Variants in TPRG1 observed in about 807,000 individuals in gnomAD.
TPRG1 encodes the protein tumor protein p63-regulated gene 1 protein.
Under a neutral mutation model 29.3 loss-of-function variants are expected in TPRG1, and 29 were observed. The observed-to-expected ratio is 0.99, with a 90% CI of 0.74 to 1.35. The LOEUF (loss-of-function observed/expected upper bound fraction) is 1.35. TPRG1 is among the 40% of genes most tolerant of loss of function. The pLI, the probability that TPRG1 is intolerant of heterozygous loss-of-function variation, is 0.00. For synonymous variants in TPRG1, 130 were observed against 116.8 expected (o/e 1.11, Z -0.73); for missense variants, 327 against 335.0 (o/e 0.98, Z 0.19).
chr3:189,240,861 T>C (rs1740460570), intron 4 of TPRG1, among the ~76,000 whole-genome samples: 1 of 152,190 alleles, frequency 6.6e-6, no homozygotes. Flanking sequence ...TGAAAGCACA[T>C]GTCATAAACT....
At chr3:189,216,219 T>A (rs918218337) in intron 3 of TPRG1, among the ~76,000 whole-genome samples, 1 of 152,226 alleles carries the variant, frequency 6.6e-6, no homozygotes, top group African/African-American at 2.4e-5. Context: ...TTCTGTTTTC[T>A]GGCCTGGTAA....
chr3:189,216,540 TA>T (rs1736090593), intron 3 of TPRG1, among the ~76,000 whole-genome samples: 1 of 152,228 alleles, frequency 6.6e-6, no homozygotes, highest in Admixed American at 6.5e-5. Flanking sequence ...AAAATGGAGA[TA>T]ATAGTATGTA....
At position 189,217,668 on chromosome 3, in the gene TPRG1, G is replaced by A. The variant is rs188071073; in HGVS notation, c.302+2285G>A. ...TGTTAAAAACCTCATCGTGGGTTCCGAGATGCATTATGCAATGGAAAGCGC... is the reference window on the plus strand; with the variant it reads ...TGTTAAAAACCTCATCGTGGGTTCCAAGATGCATTATGCAATGGAAAGCGC... On this transcript the variant is annotated intron_variant, in intron 3 of 5. Coordinates refer to ENST00000345063, the MANE Select transcript of TPRG1 (RefSeq NM_198485.4). 3.9e-5 allele frequency among the ~76,000 whole-genome samples: 6 copies of A among 152,228 alleles called. No homozygotes were observed. In the East Asian group the frequency reaches 5.8e-4, roughly 15 times the overall value.
At chr3:189,188,454 C>T (rs1216341523) in intron 1 of TPRG1, among the ~76,000 whole-genome samples, 1 of 152,206 alleles carries the variant, frequency 6.6e-6, no homozygotes, top group African/African-American at 2.4e-5. Flanking sequence ...TGTGGAATCA[C>T]TCGTCTGGAT....
chr3:189,172,830 T>A (rs1233294277), intron 1 of TPRG1, among the ~76,000 whole-genome samples: 1 of 152,164 alleles, frequency 6.6e-6, no homozygotes, highest in African/African-American at 2.4e-5. Context: ...CAGATCTCTG[T>A]ATAAGCAGGT....
upstream of TPRG1, among the ~76,000 whole-genome samples, chr3:189,171,818 G>A (rs2108661874): frequency 6.6e-6 from 1 of 152,304 alleles, no homozygotes; most frequent in South Asian, 2.1e-4. Flanking sequence ...GACTTCTTGA[G>A]GGAGAGGACA....
intron 3 of TPRG1, among the ~76,000 whole-genome samples, chr3:189,008,129 G>T (rs937803214): frequency 1.3e-5 from 2 of 151,614 alleles, no homozygotes; most frequent in Non-Finnish European, 2.9e-5. Flanking sequence ...AATGGAGACA[G>T]CAGGCATCAG....
chr3:189,072,798 ATCTG>A (rs948016171), intron 4 of TPRG1, among the ~76,000 whole-genome samples: 8 of 151,968 alleles, frequency 5.3e-5, no homozygotes, highest in African/African-American at 1.9e-4. Flanking sequence ...TCCATCATTT[ATCTG>A]TCTATGTAAT....
At chr3:189,085,447 A>ATGTGTGTGTGTGTGCGTGTGTG (rs760271078) in intron 4 of TPRG1, among the ~76,000 whole-genome samples, 1 of 121,922 alleles carries the variant, frequency 8.2e-6, no homozygotes, top group African/African-American at 4.3e-5. Context: ...GTGTGTGTGC[A>ATGTGTGTGTGTGTGCGTGTGTG]TGTGTGTGTG....
intron 3 of TPRG1, among the ~76,000 whole-genome samples, chr3:189,010,290 G>A (rs1327772312): frequency 6.6e-6 from 1 of 152,004 alleles, no homozygotes; most frequent in East Asian, 1.9e-4. Context: ...ATTCCTTTGG[G>A]TATATACCCA....
At chr3:189,030,037 A>G (rs1295005111) in intron 4 of TPRG1, among the ~76,000 whole-genome samples, 1 of 152,200 alleles carries the variant, frequency 6.6e-6, no homozygotes, top group East Asian at 1.9e-4. Flanking sequence ...AGCAACACGA[A>G]GACAAACTGG....
chr3:189,280,865 C>A (rs1014426774), intron 4 of TPRG1, among the ~76,000 whole-genome samples: 3 of 152,170 alleles, frequency 2.0e-5, no homozygotes, highest in Non-Finnish European at 2.9e-5. Context: ...GCCTACCCAA[C>A]AATCACTTAT....
At chr3:189,217,293 C>T (rs1259391983) in intron 3 of TPRG1, among the ~76,000 whole-genome samples, 1 of 152,176 alleles carries the variant, frequency 6.6e-6, no homozygotes, top group Non-Finnish European at 1.5e-5. Flanking sequence ...TTGAACCCAG[C>T]TTGAACCTAA....
intron 5 of TPRG1, among the ~76,000 whole-genome samples, chr3:189,311,863 T>G (rs961943088): frequency 6.6e-6 from 1 of 151,648 alleles, no homozygotes; most frequent in African/African-American, 2.4e-5. Context: ...AAGAACAACC[T>G]AACACCTATT....
chr3:189,230,281 TGATGGAATGTATGCAGCCTGG>T (rs1460232670), intron 3 of TPRG1, among the ~76,000 whole-genome samples: 1 of 152,198 alleles, frequency 6.6e-6, no homozygotes, highest in East Asian at 1.9e-4. Context: ...AAAAGCGGCT[TGATGGAATGTATGCAGCCTGG>T]GATGAGAGTC....
At chr3:189,292,720 C>A (rs183364038) in intron 4 of TPRG1, among the ~76,000 whole-genome samples, 2 of 152,324 alleles carry the variant, frequency 1.3e-5, no homozygotes, top group Admixed American at 1.3e-4. Flanking sequence ...AACAACTGAG[C>A]AAAAGCTTTA....
chr3:189,259,285 G>A (rs1230517599), intron 4 of TPRG1, among the ~76,000 whole-genome samples: 5 of 151,716 alleles, frequency 3.3e-5, no homozygotes, highest in Non-Finnish European at 7.4e-5. Flanking sequence ...CCCAGGTGAG[G>A]CGACACCCCA....
upstream of TPRG1, among the ~76,000 whole-genome samples, chr3:189,097,601 A>AT (rs1390530059): frequency 3.3e-5 from 5 of 152,218 alleles, no homozygotes; most frequent in African/African-American, 1.2e-4. Flanking sequence ...ATAAATAATA[A>AT]TTTTAACTGC....
chr3:189,106,649 A>G (rs1389661406), intron 1 of TPRG1, among the ~76,000 whole-genome samples: 1 of 152,162 alleles, frequency 6.6e-6, no homozygotes. Flanking sequence ...GGATGATTGC[A>G]TGAATGAATA....
Sources: gnomAD v4.1 joint callset for allele counts (sites outside exome capture counted in the v4.1 genomes callset) on GRCh38, gnomAD v4.1.1 for gene constraint, MANE v1.5 for transcripts, NCBI Gene and HGNC (gene_info 2026-07-23, HGNC 2026-07-21) for gene names.